The following GFM2 variants were observed in gnomAD, a reference collection of about 807,000 sequenced individuals.
GFM2 encodes the protein GTP dependent ribosome recycling factor mitochondrial 2, also known as ribosome-releasing factor 2, mitochondrial.
GFM2 carries 72 observed loss-of-function variants against 95.4 expected under a neutral mutation model. The observed-to-expected ratio is 0.76, with a 90% CI of 0.62 to 0.92. GFM2 has a LOEUF of 0.92. GFM2 is among the 40% of genes least tolerant of loss of function. The pLI, the probability that GFM2 is intolerant of heterozygous loss-of-function variation, is 0.00. For synonymous variants in GFM2, 276 were observed against 317.5 expected (o/e 0.87, Z 1.39); for missense variants, 825 against 924.1 (o/e 0.89, Z 1.39).
intron 5 of GFM2, among the ~76,000 whole-genome samples, chr5:74,756,541 T>C (rs890837900): frequency 6.6e-6 from 1 of 152,212 alleles, no homozygotes; most frequent in Non-Finnish European, 1.5e-5. Context: ...TCTGGGTAGA[T>C]ACCAAATAGT....
chr5:74,753,452 T>C (rs1382222304), intron 5 of GFM2, among the ~76,000 whole-genome samples: 2 of 151,838 alleles, frequency 1.3e-5, no homozygotes, highest in African/African-American at 2.4e-5. Context: ...CAAAAATTAG[T>C]CAAGCATGAT....
chr5:74,764,065 A>G (rs1744419103), intron 1 of GFM2, among the ~76,000 whole-genome samples: 1 of 152,242 alleles, frequency 6.6e-6, no homozygotes, highest in Admixed American at 6.5e-5. Flanking sequence ...CATTGTATCA[A>G]CCAAAATGCA....
At chr5:74,735,207 G>GA (rs1196463054) in intron 15 of GFM2, among the ~76,000 whole-genome samples, 1 of 152,168 alleles carries the variant, frequency 6.6e-6, no homozygotes, top group Non-Finnish European at 1.5e-5. Context: ...TAAAGTAACA[G>GA]AAAAATTGCT....
In GFM2 at chr5:74,721,579, TAAAGC is replaced by T; in HGVS notation, c.*71_*75del. The stretch of plus-strand genomic sequence containing the variant: ...AACAGTACTTTATTCGTCCAATAAA[TAAAGC>T]AATAAAAATTGTTCTTACTGAAAAT... On this transcript the variant is annotated 3_prime_UTR_variant, in exon 21 of 21. Transcript: ENST00000296805. The T allele has an allele frequency of 7.1e-7, 1 of 1,413,628 alleles. No individual in the cohort carries two copies. Among genetic ancestry groups the T allele is most frequent in the Non-Finnish European group, 9.9e-7 (1 of 1,013,120 alleles). 87.6% of individuals were successfully genotyped at this position (1,413,628 alleles called of 1,614,324 possible).
chr5:74,755,145 T>A (rs1043133340), intron 5 of GFM2, among the ~76,000 whole-genome samples: 2 of 152,072 alleles, frequency 1.3e-5, no homozygotes, highest in Admixed American at 6.6e-5. Context: ...AAAGACTTAA[T>A]AAATATTTAC....
In GFM2 at chr5:74,736,583, G is replaced by A; in HGVS notation, c.1510+213C>T. 6.4e-6 allele frequency: 9 copies of A among 1,402,498 alleles called. No homozygotes were observed. The South Asian group carries it at 1.4e-4, about 22-fold the overall frequency. 86.9% of individuals were successfully genotyped at this position (1,402,498 alleles called of 1,614,324 possible). A position where few individuals can be genotyped will look rare whatever the true frequency, so the allele number is the denominator to read the frequency against. On this transcript the variant is annotated intron_variant, in intron 15 of 20. Coordinates refer to ENST00000296805, the MANE Select transcript of GFM2 (RefSeq NM_032380.5). ...AAGAGTAAGGAAGAATATAATATGA[G>A]AAGAATGGCCAAGAAATAAGAAGAG... is the stretch of plus-strand genomic sequence containing the variant.
At position 74,763,909 on chromosome 5, in the gene GFM2, A is replaced by G. The variant is rs1744411516; in HGVS notation, c.-24-143T>C. The G allele has an allele frequency of 2.0e-5, 10 of 509,524 alleles. No homozygotes were observed. In the South Asian group the frequency reaches 3.4e-4, roughly 17 times the overall value. The allele number at this position is 509,524 out of a possible 1,614,324, so 31.6% of individuals were successfully genotyped here. A position where few individuals can be genotyped will look rare whatever the true frequency, so the allele number is the denominator to read the frequency against. On this transcript the variant is annotated intron_variant, in intron 1 of 20. Transcript: ENST00000296805. ...GGAACAATATTTTTAGCTACCAAAA[A>G]TTCAATGCATCATTCAGAAAATGGA... is the stretch of plus-strand genomic sequence containing the variant.
chr5:74,766,764 C>A (rs1744645532), intron 1 of GFM2, among the ~76,000 whole-genome samples, 174 bp downstream of exon 1: 1 of 152,228 alleles, frequency 6.6e-6, no homozygotes. Flanking sequence ...GAGTCGACTT[C>A]GCCGAATGAT....
At position 74,736,887 on chromosome 5, in the gene GFM2, A is replaced by G. The variant is rs1742860264; in HGVS notation, c.1419T>C (p.Asn473=). 1.2e-6 allele frequency: 2 copies of G among 1,613,900 alleles called. No individual in the cohort carries two copies. The highest frequency in any genetic ancestry group is 8.5e-7 in the Non-Finnish European group (1 of 1,179,830). The change falls in exon 15 of 21, where the codon AAT becomes AAC. Residue 473 remains asparagine, a synonymous_variant. Coordinates refer to ENST00000296805, the MANE Select transcript of GFM2 (RefSeq NM_032380.5). ...CAGCCAATAAAAGTCTCTCTGCTTC[A>G]TTGTTTTGTCTGTGCTTCTTTTCTC... ...REGEKKHRQN[N]EAERLLLAGV... is the part of the protein sequence containing the mutation.
intron 12 of GFM2, 57 bp downstream of exon 12, chr5:74,739,932 T>C: frequency 1.6e-6 from 2 of 1,213,826 alleles, no homozygotes; most frequent in East Asian, 2.7e-5. Flanking sequence ...ATAAAAGTAT[T>C]TGCCTACTTG....
At chr5:74,732,965 CACACACA>C in intron 16 of GFM2, 50 bp downstream of exon 16, 1 of 912,434 alleles carries the variant, frequency 1.1e-6, no homozygotes, top group South Asian at 1.3e-5. Context: ...CACACACACA[CACACACA>C]CACACACTCT....
chr5:74,751,732 C>T (rs1170539914), intron 5 of GFM2, among the ~76,000 whole-genome samples: 2 of 152,092 alleles, frequency 1.3e-5, no homozygotes, highest in East Asian at 3.8e-4. Context: ...TTTAAGTTTA[C>T]TGAACTTATT....
chr5:74,730,631 T>C lies in GFM2; in HGVS notation c.1588-233A>G, dbSNP rs144747295. On this transcript the variant is annotated intron_variant, in intron 16 of 20. Transcript: ENST00000296805. ...CCATTCTCTCCTTCTTCTTTGATAG[T>C]TGAATTATCTGCTGGGCAAGTAGCA... 101 of 324,006 alleles carry C rather than the reference T, an allele frequency of 3.1e-4. 1 individual carries two copies. The East Asian group carries it at 4.6e-3, about 15-fold the overall frequency. 20.1% of individuals were successfully genotyped at this position (324,006 alleles called of 1,614,324 possible).
intron 20 of GFM2, 124 bp downstream of exon 20, chr5:74,722,255 C>CTT: frequency 1.2e-6 from 1 of 824,606 alleles, no homozygotes; most frequent in Non-Finnish European, 1.9e-6. Flanking sequence ...TGAAACGAAA[C>CTT]TTAACATGTA....
chr5:74,745,789 C>T lies in GFM2; in HGVS notation c.738G>A (p.Trp246Ter). Residue 246 changes from tryptophan (W) to a stop codon, truncating the protein, a stop_gained, in exon 10 of 21, where the codon TGG (tryptophan) becomes TGA (stop). Coordinates refer to ENST00000296805, the MANE Select transcript of GFM2 (RefSeq NM_032380.5). LOFTEE classifies it high-confidence loss of function. Reference sequence around the variant, plus strand: ...CTTTTCCATCATTTGAATTGCAATTCCAAAGAAGTTTTTCTTTCATTACTA... The same window carrying T: ...CTTTTCCATCATTTGAATTGCAATTTCAAAGAAGTTTTTCTTTCATTACTA... ...VDVVMKEKLL[W>*]NCNSNDGKDF... 6.2e-7 allele frequency: 1 copy of T among 1,613,512 alleles called. No individual in the cohort carries two copies. The highest frequency in any genetic ancestry group is 8.5e-7 in the Non-Finnish European group (1 of 1,179,750).
intron 5 of GFM2, among the ~76,000 whole-genome samples, chr5:74,753,028 C>T (rs1299601312): frequency 6.6e-6 from 1 of 152,166 alleles, no homozygotes; most frequent in Non-Finnish European, 1.5e-5. Flanking sequence ...AAAAATCACA[C>T]TAGCTCACCA....
intron 2 of GFM2, among the ~76,000 whole-genome samples, chr5:74,762,007 A>G (rs1415584872): frequency 6.6e-6 from 1 of 152,240 alleles, no homozygotes; most frequent in Non-Finnish European, 1.5e-5. Flanking sequence ...AGTGTCTATC[A>G]CAGCGTGCAT....
chr5:74,751,634 C>T, intron 5 of GFM2, 141 bp from the exon 6 acceptor site: 1 of 543,212 alleles, frequency 1.8e-6, no homozygotes, highest in East Asian at 3.0e-5. Flanking sequence ...TTTACTCTTT[C>T]ACTAAGTAAA....
At chr5:74,737,065 A>C (rs1191931435) in intron 14 of GFM2, 80 bp from the exon 15 acceptor site, 15 of 1,405,150 alleles carry the variant, frequency 1.1e-5, no homozygotes, top group African/African-American at 1.5e-5. Context: ...CAATATAAGA[A>C]AACTTTTTTG....
Sources: allele counts gnomAD v4.1 joint callset (sites outside exome capture counted in the v4.1 genomes callset), GRCh38; gene constraint gnomAD v4.1.1; transcripts MANE v1.5; gene names NCBI Gene and HGNC (gene_info 2026-07-23, HGNC 2026-07-21).